LIFR: variants seen among roughly 807,000 people sequenced by gnomAD.
LIFR encodes the protein LIF receptor subunit alpha, also known as leukemia inhibitory factor receptor.
LIFR carries 84 observed loss-of-function variants against 122.2 expected under a neutral mutation model. The ratio of observed to expected loss-of-function variants is 0.69; its 90% CI spans 0.58 to 0.82. LIFR has a LOEUF of 0.82. Among genes scored for constraint, LIFR ranks in the 40% least tolerant of loss-of-function variants. The probability of loss-of-function intolerance (pLI) is 0.00; values close to 1 mark genes in which losing one functional copy is unlikely to be tolerated. For missense variants in LIFR, 1,294 were observed against 1,311.6 expected, an observed-to-expected ratio of 0.99 and a Z score of 0.21; for synonymous variants, 422 against 434.7, an observed-to-expected ratio of 0.97 and a Z score of 0.36.
At chr5:38,487,190 C>T (rs1445830538) in intron 16 of LIFR, among the ~76,000 whole-genome samples, 2 of 152,162 alleles carry the variant, frequency 1.3e-5, no homozygotes, top group African/African-American at 2.4e-5. Flanking sequence ...CTTCCTGGAC[C>T]GGCCTCACTT....
intron 1 of LIFR, among the ~76,000 whole-genome samples, chr5:38,592,656 C>CAAAAA (rs3079290): frequency 8.6e-6 from 1 of 115,854 alleles, no homozygotes. Flanking sequence ...GACTCCGTCT[C>CAAAAA]AAAAAAAAAA....
intron 8 of LIFR, among the ~76,000 whole-genome samples, 177 bp from the exon 9 acceptor site, chr5:38,506,251 A>G (rs1009487108): frequency 2.0e-5 from 3 of 152,238 alleles, no homozygotes; most frequent in South Asian, 2.1e-4. Flanking sequence ...TTAATCAGCC[A>G]TAAGTTTACT....
chr5:38,502,613 C>T (rs182618503), intron 11 of LIFR, 24 bp downstream of exon 11: 19 of 1,575,074 alleles, frequency 1.2e-5, no homozygotes, highest in African/African-American at 8.1e-5. Flanking sequence ...TAATTATTAG[C>T]CATACATCAC....
intron 7 of LIFR, among the ~76,000 whole-genome samples, chr5:38,508,272 A>C (rs1193594905): frequency 1.3e-5 from 2 of 152,198 alleles, no homozygotes; most frequent in Non-Finnish European, 2.9e-5. Flanking sequence ...CAGTCAATAG[A>C]AAATGCAATT....
intron 16 of LIFR, among the ~76,000 whole-genome samples, chr5:38,486,542 T>A (rs890650603): frequency 2.6e-5 from 4 of 152,320 alleles, no homozygotes; most frequent in Middle Eastern, 3.4e-3. Context: ...ATTTTATTTT[T>A]AAAAATTTAA....
At chr5:38,523,241 C>A (rs186802524) in intron 5 of LIFR, among the ~76,000 whole-genome samples, 178 bp downstream of exon 5, 1 of 152,282 alleles carries the variant, frequency 6.6e-6, no homozygotes, top group African/African-American at 2.4e-5. Flanking sequence ...GGTTACACAT[C>A]ATTTAATAAT....
chr5:38,492,821 A>G (rs1228739709), intron 14 of LIFR, among the ~76,000 whole-genome samples: 1 of 152,192 alleles, frequency 6.6e-6, no homozygotes, highest in East Asian at 1.9e-4. Context: ...GACAAGCTAC[A>G]GGGTCCAGAA....
intron 12 of LIFR, among the ~76,000 whole-genome samples, chr5:38,497,707 A>G (rs566217779): frequency 1.3e-5 from 2 of 152,130 alleles, no homozygotes; most frequent in Non-Finnish European, 2.9e-5. Context: ...TTCTAGGTAT[A>G]GATTTTTTTA....
chr5:38,564,784 T>A (rs181128438), intron 1 of LIFR, among the ~76,000 whole-genome samples: 236 of 140,818 alleles, frequency 1.7e-3, no homozygotes, highest in African/African-American at 3.9e-3. Flanking sequence ...ACACATATAT[T>A]TTTTTTTTGA....
upstream of LIFR, among the ~76,000 whole-genome samples, chr5:38,595,799 C>G (rs1014662911): frequency 1.5e-5 from 2 of 136,164 alleles, no homozygotes; most frequent in African/African-American, 5.4e-5. Flanking sequence ...GCGGCTCGAT[C>G]TCGGCTCACT....
intron 18 of LIFR, among the ~76,000 whole-genome samples, 154 bp downstream of exon 18, chr5:38,484,620 TA>T (rs1432868532): frequency 1.3e-5 from 2 of 152,266 alleles, no homozygotes; most frequent in African/African-American, 4.8e-5. Context: ...GTCATGTTCT[TA>T]ATATTAAATC....
intron 1 of LIFR, among the ~76,000 whole-genome samples, chr5:38,537,885 T>TA (rs1311499649): frequency 2.0e-5 from 3 of 152,196 alleles, no homozygotes; most frequent in Non-Finnish European, 4.4e-5. Context: ...ACATAGCAAA[T>TA]AGATTCCCCA....
upstream of LIFR, chr5:38,558,889 T>C (rs1161044897): frequency 6.6e-6 from 1 of 152,152 alleles, no homozygotes; most frequent in Non-Finnish European, 1.5e-5. Flanking sequence ...GAGGTTTGGG[T>C]AGGAACACAA....
chr5:38,482,936 G>C (rs1167906116), intron 18 of LIFR, among the ~76,000 whole-genome samples: 1 of 152,194 alleles, frequency 6.6e-6, no homozygotes, highest in Non-Finnish European at 1.5e-5. Context: ...AATTAAAATT[G>C]TGGCTGTGCC....
chr5:38,591,690 GTTTC>G (rs1749926033), intron 1 of LIFR, among the ~76,000 whole-genome samples: 1 of 152,166 alleles, frequency 6.6e-6, no homozygotes, highest in African/African-American at 2.4e-5. Flanking sequence ...GAGTTTTGTT[GTTTC>G]TTAAAATATT....
intron 12 of LIFR, among the ~76,000 whole-genome samples, chr5:38,497,014 A>G (rs1283748696): frequency 6.6e-6 from 1 of 151,892 alleles, no homozygotes; most frequent in African/African-American, 2.4e-5. Flanking sequence ...TAGTATCAGA[A>G]AAGATGAAGC....
At chr5:38,505,836 G>A (rs1745444418) in intron 9 of LIFR, 69 bp downstream of exon 9, 2 of 997,904 alleles carry the variant, frequency 2.0e-6, no homozygotes, top group Non-Finnish European at 3.0e-6. Context: ...ATCCCTATAA[G>A]CATTTTTCAT....
intron 1 of LIFR, among the ~76,000 whole-genome samples, chr5:38,585,051 A>T (rs185631808): frequency 6.6e-6 from 1 of 152,340 alleles, no homozygotes; most frequent in East Asian, 1.9e-4. Flanking sequence ...TCTTCATAGG[A>T]TATTGTATGA....
intron 1 of LIFR, among the ~76,000 whole-genome samples, chr5:38,589,211 G>T (rs1749846976): frequency 6.6e-6 from 1 of 151,458 alleles, no homozygotes; most frequent in Non-Finnish European, 1.5e-5. Flanking sequence ...GTTTCACTGT[G>T]TTAGCCAGGA....
Sources: gnomAD v4.1 joint callset for allele counts (sites outside exome capture counted in the v4.1 genomes callset) on GRCh38, gnomAD v4.1.1 for gene constraint, MANE v1.5 for transcripts, NCBI Gene and HGNC (gene_info 2026-07-23, HGNC 2026-07-21) for gene names.